Variants in COL11A1 observed in about 807,000 individuals in gnomAD.
COL11A1 encodes collagen alpha-1(XI) chain.
Under a neutral mutation model 265.2 loss-of-function variants are expected in COL11A1, and 74 were observed. The ratio of observed to expected loss-of-function variants is 0.28; its 90% CI spans 0.23 to 0.34. The LOEUF is 0.34. COL11A1 is among the 10% of genes least tolerant of loss of function. COL11A1 has a pLI of 1.00. For missense variants in COL11A1, 2,165 were observed against 2,263.6 expected, an observed-to-expected ratio of 0.96 and a Z score of 0.88; for synonymous variants, 816 against 727.6, an observed-to-expected ratio of 1.12 and a Z score of -1.96.
At chr1:102,970,418 T>C (rs1661855686) in intron 36 of COL11A1, 146 bp from the exon 37 acceptor site, 1 of 608,174 alleles carries the variant, frequency 1.6e-6, no homozygotes, top group East Asian at 2.8e-5. Context: ...TATATGATAA[T>C]ATGCACATAT....
At chr1:102,922,101 G>C (rs1656050692) in intron 47 of COL11A1, among the ~76,000 whole-genome samples, 1 of 152,060 alleles carries the variant, frequency 6.6e-6, no homozygotes, top group South Asian at 2.1e-4. Context: ...AAATTAACTT[G>C]GAAAACTTTT....
intron 42 of COL11A1, among the ~76,000 whole-genome samples, chr1:102,942,106 T>G (rs541506126): frequency 6.6e-6 from 1 of 152,330 alleles, no homozygotes; most frequent in African/African-American, 2.4e-5. Context: ...ACCTTTTATC[T>G]TCTTCAAATA....
At chr1:103,026,417 T>C (rs1352609701) in intron 5 of COL11A1, 85 bp from the exon 6 acceptor site, 9 of 871,758 alleles carry the variant, frequency 1.0e-5, no homozygotes, top group Admixed American at 5.1e-5. Flanking sequence ...AACTTTTACA[T>C]AGTGTAAATG....
chr1:103,022,024 T>TG (rs1398456503), intron 8 of COL11A1, among the ~76,000 whole-genome samples: 1 of 150,644 alleles, frequency 6.6e-6, no homozygotes, highest in Non-Finnish European at 1.5e-5. Flanking sequence ...TTTTTTTTTT[T>TG]TTTGTATTTT....
At position 103,006,263 on chromosome 1, in the gene COL11A1, C is replaced by T; in HGVS notation, c.1736G>A (p.Arg579Lys). The T allele has an allele frequency of 1.9e-6, 3 of 1,607,694 alleles. No individual in the cohort carries two copies. The highest frequency in any genetic ancestry group is 2.5e-6 in the Non-Finnish European group (3 of 1,176,806). Reference protein sequence around the residue: ...PPGPTGKPGKRGRPGADGGRG... With the variant: ...PPGPTGKPGKKGRPGADGGRG... ...ATGCACAATGAAAATAAGCCATACC[C>T]TTTTTCCAGGTTTTCCCGTTGGACC... Residue 579 changes from arginine to lysine, a missense_variant and splice_region_variant, in exon 16 of 67, where the codon AGG (arginine) becomes AAG (lysine). Transcript: ENST00000370096.
intron 13 of COL11A1, among the ~76,000 whole-genome samples, chr1:103,014,026 A>T (rs533150072): frequency 1.3e-5 from 2 of 152,200 alleles, no homozygotes; most frequent in African/African-American, 4.8e-5. Context: ...GTTGGTAAGA[A>T]ATTTGAAGGT....
At chr1:102,905,970 G>C (rs1018025811) in intron 54 of COL11A1, among the ~76,000 whole-genome samples, 1 of 151,970 alleles carries the variant, frequency 6.6e-6, no homozygotes, top group Non-Finnish European at 1.5e-5. Context: ...ATCATTTCAT[G>C]TATACAACTA....
rs34962250 is a variant in COL11A1 at position 102,910,382 on chromosome 1, CTTTT to C, written c.4086+1773_4086+1776del. Reference sequence around the variant, plus strand: ...ATTTATTAAAAAATATAAATATGTACTTTTTTGACATATTTTAAAATGAAACTAG... The same window carrying C: ...ATTTATTAAAAAATATAAATATGTACTTGACATATTTTAAAATGAAACTAG... On this transcript the variant is annotated intron_variant, in intron 54 of 66. Coordinates refer to ENST00000370096, the MANE Select transcript of COL11A1 (RefSeq NM_001854.4). Among the ~76,000 whole-genome samples, 273 of 151,882 alleles carry C rather than the reference CTTTT, an allele frequency of 1.8e-3. 2 individuals are homozygous for C. The highest frequency in any genetic ancestry group is 1.8e-3 in the Non-Finnish European group (119 of 67,906).
At chr1:103,008,313 T>C (rs976119082) in intron 15 of COL11A1, 150 bp downstream of exon 15, 1 of 664,430 alleles carries the variant, frequency 1.5e-6, no homozygotes, top group Non-Finnish European at 2.7e-6. Flanking sequence ...CAGTTTTCTC[T>C]GAATTTTTTA....
chr1:102,970,555 G>A (rs916490236), intron 36 of COL11A1, among the ~76,000 whole-genome samples: 2 of 151,998 alleles, frequency 1.3e-5, no homozygotes, highest in Non-Finnish European at 2.9e-5. Flanking sequence ...ATTTGCAAAG[G>A]TTTGTATTTT....
chr1:102,917,963 T>G (rs530713883), intron 49 of COL11A1, among the ~76,000 whole-genome samples: 2 of 151,562 alleles, frequency 1.3e-5, no homozygotes, highest in Non-Finnish European at 3.0e-5. Flanking sequence ...AAATGACAAT[T>G]AGCTAAAATG....
At chr1:103,056,090 C>T (rs1003844524) in intron 4 of COL11A1, among the ~76,000 whole-genome samples, 4 of 152,050 alleles carry the variant, frequency 2.6e-5, no homozygotes. Flanking sequence ...CATATTTTAT[C>T]AAGGTTTTGT....
chr1:103,062,904 C>G (rs932738469), intron 4 of COL11A1, among the ~76,000 whole-genome samples: 1 of 151,762 alleles, frequency 6.6e-6, no homozygotes, highest in Non-Finnish European at 1.5e-5. Flanking sequence ...GTTGTGTATA[C>G]AAGGTATATA....
At chr1:102,886,016 A>T (rs1460801217) in intron 63 of COL11A1, among the ~76,000 whole-genome samples, 1 of 152,148 alleles carries the variant, frequency 6.6e-6, no homozygotes. Context: ...GATCACAGTT[A>T]TAACTGACAT....
rs563538091 is a variant in COL11A1, at chr1:102,914,468, A to C, written c.3925-63T>G. On this transcript the variant is annotated intron_variant, in intron 51 of 66. Transcript: ENST00000370096. The stretch of plus-strand genomic sequence containing the variant: ...AAATAAATTTTTATAAAATTATGAC[A>C]TTCTGGAGGTGAAGAGGTTAAAGTC... The C allele has an allele frequency of 6.3e-6, 9 of 1,439,592 alleles. No individual in the cohort carries two copies. In the South Asian group the frequency reaches 6.3e-5, roughly 10 times the overall value. The allele number at this position is 1,439,592 out of a possible 1,614,324, so 89.2% of individuals were successfully genotyped here. A position where few individuals can be genotyped will look rare whatever the true frequency, so the allele number is the denominator to read the frequency against.
chr1:103,014,664 A>G (rs1021077323), intron 12 of COL11A1, 70 bp from the exon 13 acceptor site: 7 of 1,302,792 alleles, frequency 5.4e-6, no homozygotes, highest in Non-Finnish European at 5.5e-6. Context: ...TGCTTTGATC[A>G]TTAGATAAAA....
At chr1:102,936,248 A>AG (rs1658131042) in intron 44 of COL11A1, among the ~76,000 whole-genome samples, 1 of 152,018 alleles carries the variant, frequency 6.6e-6, no homozygotes, top group African/African-American at 2.4e-5. Context: ...CAAAAAAAAA[A>AG]AAAAGCCCTA....
intron 46 of COL11A1, among the ~76,000 whole-genome samples, chr1:102,930,805 C>G (rs1199341404): frequency 2.0e-5 from 3 of 150,796 alleles, no homozygotes; most frequent in Non-Finnish European, 4.5e-5. Flanking sequence ...TCAACTTCTT[C>G]CTGGTTTAGT....
At chr1:102,900,336 T>C (rs1653026463) in intron 54 of COL11A1, among the ~76,000 whole-genome samples, 1 of 152,152 alleles carries the variant, frequency 6.6e-6, no homozygotes, top group African/African-American at 2.4e-5. Context: ...GAATTCTGTG[T>C]TGAGCCATGA....
Sources: allele counts gnomAD v4.1 joint callset (sites outside exome capture counted in the v4.1 genomes callset), GRCh38; gene constraint gnomAD v4.1.1; transcripts MANE v1.5; gene names NCBI Gene and HGNC (gene_info 2026-07-23, HGNC 2026-07-21).